Variants in HDAC9 observed in about 807,000 individuals in gnomAD.
The protein encoded by HDAC9 is histone deacetylase 9, also known as MEF-2 interacting transcription repressor (MITR) protein.
In HDAC9, 41 loss-of-function variants were observed where a neutral mutation model predicts 139.4. The ratio of observed to expected loss-of-function variants is 0.29; its 90% CI spans 0.23 to 0.38. The LOEUF (loss-of-function observed/expected upper bound fraction) is 0.38. Among genes scored for constraint, HDAC9 ranks in the 10% least tolerant of loss-of-function variants. The pLI, the probability that HDAC9 is intolerant of heterozygous loss-of-function variation, is 1.00. For missense variants in HDAC9, 1,147 were observed against 1,297.0 expected, an observed-to-expected ratio of 0.88 and a Z score of 1.78; for synonymous variants, 517 against 476.2, an observed-to-expected ratio of 1.09 and a Z score of -1.12.
At chr7:18,869,066 C>T (rs1410071496) in intron 21 of HDAC9, among the ~76,000 whole-genome samples, 2 of 151,838 alleles carry the variant, frequency 1.3e-5, no homozygotes, top group East Asian at 1.9e-4. Context: ...TTCTGTGAAG[C>T]AGCTCTAGCA....
At chr7:18,272,059 A>T (rs908760881) in intron 2 of HDAC9, among the ~76,000 whole-genome samples, 4 of 152,220 alleles carry the variant, frequency 2.6e-5, no homozygotes, top group Admixed American at 2.6e-4. Context: ...TCACCAATGT[A>T]CTGATTTGGA....
intron 25 of HDAC9, among the ~76,000 whole-genome samples, chr7:18,984,113 G>C (rs2717349): frequency 0.78 from 118,998 of 152,098 alleles, 46,714 homozygotes; most frequent in African/African-American, 0.84. Flanking sequence ...AGATACATTT[G>C]TGTGCTTATT....
At chr7:18,367,661 T>A (rs565181857) in intron 1 of HDAC9, among the ~76,000 whole-genome samples, 1 of 152,218 alleles carries the variant, frequency 6.6e-6, no homozygotes, top group South Asian at 2.1e-4. Flanking sequence ...TTGTGCATGT[T>A]TTCTGGTACA....
intron 11 of HDAC9, among the ~76,000 whole-genome samples, chr7:18,658,913 A>G (rs902159568): frequency 6.7e-6 from 1 of 148,792 alleles, no homozygotes; most frequent in South Asian, 2.1e-4. Context: ...AAAAAAAAAA[A>G]CAAAACAACA....
At chr7:18,935,987 A>T (rs1256343381) in intron 23 of HDAC9, 45 bp downstream of exon 23, 1 of 1,565,028 alleles carries the variant, frequency 6.4e-7, no homozygotes, top group African/African-American at 1.4e-5. Flanking sequence ...AGAATCAGGG[A>T]TGTATGCATG....
chr7:18,635,480 G>C (rs1423900122), intron 8 of HDAC9, among the ~76,000 whole-genome samples: 1 of 151,972 alleles, frequency 6.6e-6, no homozygotes, highest in African/African-American at 2.4e-5. Context: ...AATGATACAA[G>C]ACTAAGAGGA....
chr7:18,595,361 A>C (rs142828444), intron 6 of HDAC9, among the ~76,000 whole-genome samples: 183 of 152,216 alleles, frequency 1.2e-3, no homozygotes, highest in African/African-American at 4.3e-3. Context: ...TCTTATAAAT[A>C]AACTTTTCTA....
In HDAC9 at chr7:18,092,614, A is replaced by C. The variant is rs539197088; in HGVS notation, c.-97+5401A>C. 1.3e-5 allele frequency among the ~76,000 whole-genome samples: 2 copies of C among 152,084 alleles called. 1 individual carries two copies. Among genetic ancestry groups the C allele is most frequent in the South Asian group, 4.1e-4 (2 of 4,820 alleles). Reference sequence around the variant, plus strand: ...ATATAATAATGGGGTCCCATTGTCCATTGCCAAAAAGAATGACAGGTGTCC... The same window carrying C: ...ATATAATAATGGGGTCCCATTGTCCCTTGCCAAAAAGAATGACAGGTGTCC... On this transcript the variant is annotated intron_variant, in intron 1 of 12. Transcript: ENST00000417496.
chr7:18,874,494 G>A lies in HDAC9; in HGVS notation c.2701G>A (p.Val901Met). 1.3e-6 allele frequency: 2 copies of A among 1,586,804 alleles called. No individual in the cohort carries two copies. Among genetic ancestry groups the A allele is most frequent in the Non-Finnish European group, 1.7e-6 (2 of 1,165,130 alleles). ...ACTGTGCAGGACCATCGTGAAGCCT[G>A]TGGCCAAAGAGTTTGATCCAGACAT... ...LEAFRTIVKPVAKEFDPDMVL... is the reference protein window; with the variant it reads ...LEAFRTIVKPMAKEFDPDMVL... Residue 901 changes from valine (V) to methionine (M), a missense_variant, in exon 22 of 26, where the codon GTG becomes ATG. Coordinates refer to ENST00000686413, the MANE Select transcript of HDAC9 (RefSeq NM_178425.4).
intron 4 of HDAC9, 28 bp downstream of exon 4, chr7:18,590,514 C>G (rs376039295): frequency 1.3e-6 from 2 of 1,570,780 alleles, no homozygotes; most frequent in East Asian, 2.3e-5. Context: ...AAACGATGGA[C>G]TCTCTTTCCT....
intron 2 of HDAC9, among the ~76,000 whole-genome samples, chr7:18,497,174 C>A (rs981048078): frequency 1.1e-4 from 17 of 152,082 alleles, no homozygotes; most frequent in Admixed American, 1.0e-3. Flanking sequence ...ATGGCTATTT[C>A]CTAAAGCTTT....
At chr7:18,935,993 G>T in intron 23 of HDAC9, 51 bp downstream of exon 23, 1 of 1,541,146 alleles carries the variant, frequency 6.5e-7, no homozygotes, top group Non-Finnish European at 8.8e-7. Flanking sequence ...AGGGATGTAT[G>T]CATGCATATT....
At chr7:18,468,914 A>T (rs528473684) in intron 1 of HDAC9, among the ~76,000 whole-genome samples, 3 of 152,134 alleles carry the variant, frequency 2.0e-5, no homozygotes, top group Non-Finnish European at 4.4e-5. Context: ...TAAAAGATAA[A>T]TCTCTGTATT....
intron 2 of HDAC9, among the ~76,000 whole-genome samples, chr7:18,256,556 A>G (rs748853295): frequency 6.6e-6 from 1 of 152,196 alleles, no homozygotes; most frequent in Non-Finnish European, 1.5e-5. Flanking sequence ...GCTTTAGCAT[A>G]ATTCATTGTC....
At chr7:18,392,792 A>G (rs1362055673) in intron 1 of HDAC9, among the ~76,000 whole-genome samples, 1 of 152,084 alleles carries the variant, frequency 6.6e-6, no homozygotes, top group East Asian at 1.9e-4. Context: ...TAGACTAGAA[A>G]GAACCAGCGA....
intron 17 of HDAC9, among the ~76,000 whole-genome samples, chr7:18,817,654 C>T (rs1204765238): frequency 6.6e-6 from 1 of 152,088 alleles, no homozygotes; most frequent in Non-Finnish European, 1.5e-5. Context: ...TTTCATTATG[C>T]TTTTGTTCTG....
chr7:18,115,868 C>G (rs2731572), intron 1 of HDAC9, among the ~76,000 whole-genome samples: 86,375 of 152,112 alleles, frequency 0.57, 26,846 homozygotes, highest in Non-Finnish European at 0.69. Context: ...CAGTAGCTGT[C>G]TCAATTTTTT....
chr7:18,101,498 A>G (rs1782856684), intron 1 of HDAC9, among the ~76,000 whole-genome samples: 1 of 152,156 alleles, frequency 6.6e-6, no homozygotes, highest in Non-Finnish European at 1.5e-5. Flanking sequence ...TCTTCTTTGG[A>G]AGTGGTTCCC....
At chr7:18,719,108 A>G (rs1324433924) in intron 12 of HDAC9, among the ~76,000 whole-genome samples, 1 of 152,078 alleles carries the variant, frequency 6.6e-6, no homozygotes, top group African/African-American at 2.4e-5. Context: ...GTTGCCTGTT[A>G]TCTTTACCTG....
Sources: allele counts gnomAD v4.1 joint callset (sites outside exome capture counted in the v4.1 genomes callset), GRCh38; gene constraint gnomAD v4.1.1; transcripts MANE v1.5; gene names NCBI Gene and HGNC (gene_info 2026-07-23, HGNC 2026-07-21).